Variants in MAF observed in about 807,000 individuals in gnomAD.
The protein encoded by MAF is MAF bZIP transcription factor, also known as transcription factor Maf.
In MAF, 10 loss-of-function variants were observed where a neutral mutation model predicts 22.0. The ratio of observed to expected loss-of-function variants is 0.45; its 90% CI spans 0.28 to 0.77. The LOEUF (loss-of-function observed/expected upper bound fraction) is 0.77. Among genes scored for constraint, MAF ranks in the 30% least tolerant of loss-of-function variants. MAF has a pLI of 0.12. For synonymous variants in MAF, 337 were observed against 255.8 expected, an observed-to-expected ratio of 1.32 and a Z score of -3.03; for missense variants, 544 against 548.4, an observed-to-expected ratio of 0.99 and a Z score of 0.08.
the MAF span, among the ~76,000 whole-genome samples, chr16:79,579,091 G>C: frequency 6.6e-5 from 10 of 151,970 alleles, no homozygotes; most frequent in Non-Finnish European, 1.3e-4. Context: ...TCCTTGTTAG[G>C]GGGAAAGAAA....
the MAF span, among the ~76,000 whole-genome samples, chr16:79,354,876 C>G: frequency 1.3e-5 from 2 of 152,082 alleles, no homozygotes; most frequent in African/African-American, 4.8e-5. Context: ...ACAAAACACA[C>G]CATGTGTATG....
At chr16:79,433,648 G>A in the MAF span, among the ~76,000 whole-genome samples, 726 of 152,174 alleles carry the variant, frequency 4.8e-3, 8 homozygotes, top group African/African-American at 0.016. Flanking sequence ...ATGTGAAGCC[G>A]GGAGGGAGTG....
the MAF span, among the ~76,000 whole-genome samples, chr16:79,547,936 G>T: frequency 2.7e-5 from 1 of 37,278 alleles, no homozygotes; most frequent in African/African-American, 6.9e-5. Context: ...GAGAGAGAGA[G>T]AGAGAGAATA....
chr16:79,214,383 C>G, the MAF span, among the ~76,000 whole-genome samples: 28 of 152,158 alleles, frequency 1.8e-4, no homozygotes, highest in Non-Finnish European at 7.3e-5. Context: ...AAAATAATTT[C>G]CATCATTGTG....
the MAF span, among the ~76,000 whole-genome samples, chr16:79,246,280 G>GGACT: frequency 2.6e-5 from 4 of 151,994 alleles, no homozygotes; most frequent in Admixed American, 6.6e-5. Flanking sequence ...TGACTACTTT[G>GGACT]GACTGTCTAA....
chr16:79,509,599 G>C, the MAF span, among the ~76,000 whole-genome samples: 1 of 152,214 alleles, frequency 6.6e-6, no homozygotes, highest in African/African-American at 2.4e-5. Flanking sequence ...GCCGGGTCTG[G>C]GCCAGCACAG....
At chr16:79,377,249 T>C in the MAF span, among the ~76,000 whole-genome samples, 1 of 152,236 alleles carries the variant, frequency 6.6e-6, no homozygotes, top group Non-Finnish European at 1.5e-5. Flanking sequence ...CATTGTGGTT[T>C]TGATTTGCGT....
At chr16:79,493,056 C>T in the MAF span, among the ~76,000 whole-genome samples, 4 of 151,658 alleles carry the variant, frequency 2.6e-5, no homozygotes, top group Admixed American at 6.6e-5. Context: ...CTCAAGGGTT[C>T]AAGCAATTCT....
At chr16:79,507,417 T>A in the MAF span, among the ~76,000 whole-genome samples, 1 of 139,550 alleles carries the variant, frequency 7.2e-6, no homozygotes, top group African/African-American at 2.7e-5. Flanking sequence ...AGCCCAGCCC[T>A]TGCATCTTAC....
At chr16:79,410,507 A>G in the MAF span, among the ~76,000 whole-genome samples, 33 of 152,196 alleles carry the variant, frequency 2.2e-4, no homozygotes, top group African/African-American at 8.0e-4. Flanking sequence ...TAATTAGTGT[A>G]CCTTCAGTAT....
At chr16:79,552,163 G>A in the MAF span, among the ~76,000 whole-genome samples, 1 of 151,956 alleles carries the variant, frequency 6.6e-6, no homozygotes. Context: ...GGCTCTTCCT[G>A]GGAAGATGAT....
At chr16:79,332,559 A>G in the MAF span, among the ~76,000 whole-genome samples, 15 of 152,254 alleles carry the variant, frequency 9.9e-5, no homozygotes, top group Non-Finnish European at 2.1e-4. Context: ...TTGGCTTCCC[A>G]AAGTACTGAG....
the MAF span, among the ~76,000 whole-genome samples, chr16:79,419,818 G>T: frequency 5.3e-5 from 8 of 152,046 alleles, no homozygotes; most frequent in African/African-American, 1.7e-4. Flanking sequence ...CAGTGTCACA[G>T]CATCACCATG....
At chr16:79,358,524 C>T in the MAF span, among the ~76,000 whole-genome samples, 1 of 152,178 alleles carries the variant, frequency 6.6e-6, no homozygotes, top group Non-Finnish European at 1.5e-5. Flanking sequence ...GCTCCCGGGG[C>T]AGGGTAGATA....
chr16:79,427,213 G>A, the MAF span, among the ~76,000 whole-genome samples: 4 of 152,190 alleles, frequency 2.6e-5, no homozygotes, highest in Non-Finnish European at 5.9e-5. Context: ...GTAGGCAAAT[G>A]GAAGAGCTGC....
At chr16:79,438,267 C>T in the MAF span, among the ~76,000 whole-genome samples, 2 of 152,120 alleles carry the variant, frequency 1.3e-5, no homozygotes, top group South Asian at 4.1e-4. Context: ...AGGAATGAAT[C>T]GAGTCATTAT....
the MAF span, among the ~76,000 whole-genome samples, chr16:79,327,804 G>A: frequency 6.6e-6 from 1 of 152,138 alleles, no homozygotes; most frequent in Non-Finnish European, 1.5e-5. Context: ...ATCTTATAAA[G>A]GAGGAAACTG....
the MAF span, among the ~76,000 whole-genome samples, chr16:79,357,297 C>T: frequency 1.4e-3 from 193 of 135,396 alleles, no homozygotes; most frequent in African/African-American, 5.0e-3. Flanking sequence ...ACAACAACAA[C>T]AATTAGCTGG....
At chr16:79,446,925 TA>T in the MAF span, among the ~76,000 whole-genome samples, 2 of 150,094 alleles carry the variant, frequency 1.3e-5, no homozygotes, top group African/African-American at 4.9e-5. Context: ...CAAGAAAAAT[TA>T]AAAAAAAGAG....
Sources: gnomAD v4.1 joint callset for allele counts (sites outside exome capture counted in the v4.1 genomes callset) on GRCh38, gnomAD v4.1.1 for gene constraint, MANE v1.5 for transcripts, NCBI Gene and HGNC (gene_info 2026-07-23, HGNC 2026-07-21) for gene names.